CNTNAP5: variants seen among roughly 807,000 people sequenced by gnomAD.
CNTNAP5 encodes the protein contactin associated protein family member 5.
In CNTNAP5, 72 loss-of-function variants were observed where a neutral mutation model predicts 150.2. That is an observed-to-expected ratio of 0.48 (90% CI 0.40 to 0.58). CNTNAP5 has a LOEUF of 0.58. Ranked by LOEUF, CNTNAP5 falls within the 20% of genes least tolerant of loss-of-function variation. The pLI is 0.00. For missense variants in CNTNAP5, 1,636 were observed against 1,626.2 expected, an observed-to-expected ratio of 1.01 and a Z score of -0.10; for synonymous variants, 672 against 619.8, an observed-to-expected ratio of 1.08 and a Z score of -1.25.
intron 10 of CNTNAP5, among the ~76,000 whole-genome samples, chr2:124,546,017 G>C (rs1050058798): frequency 1.2e-4 from 19 of 152,192 alleles, no homozygotes; most frequent in Admixed American, 3.3e-4. Flanking sequence ...TCCATTAAAA[G>C]CTCTTTTAAT....
At chr2:124,854,630 A>G (rs1017614233) in intron 19 of CNTNAP5, among the ~76,000 whole-genome samples, 1 of 152,190 alleles carries the variant, frequency 6.6e-6, no homozygotes, top group Non-Finnish European at 1.5e-5. Context: ...AATTTGGGGG[A>G]AGTGTTGATA....
At chr2:124,257,414 C>A (rs919516477) in intron 3 of CNTNAP5, among the ~76,000 whole-genome samples, 2 of 152,214 alleles carry the variant, frequency 1.3e-5, no homozygotes, top group Admixed American at 6.5e-5. Flanking sequence ...TGGTTCAATA[C>A]GTCCATGACT....
At chr2:124,568,118 C>T (rs1696074369) in intron 11 of CNTNAP5, among the ~76,000 whole-genome samples, 1 of 152,184 alleles carries the variant, frequency 6.6e-6, no homozygotes, top group African/African-American at 2.4e-5. Flanking sequence ...TTGCAAACCT[C>T]TGTATTACAA....
At chr2:124,701,836 C>T (rs897633718) in intron 13 of CNTNAP5, among the ~76,000 whole-genome samples, 3 of 151,914 alleles carry the variant, frequency 2.0e-5, no homozygotes, top group African/African-American at 7.2e-5. Flanking sequence ...TGTCTATTTA[C>T]ATGTTTTTGC....
intron 10 of CNTNAP5, among the ~76,000 whole-genome samples, chr2:124,539,641 C>T (rs1232386980): frequency 6.6e-6 from 1 of 152,146 alleles, no homozygotes; most frequent in Non-Finnish European, 1.5e-5. Flanking sequence ...TTATTCCCGC[C>T]TGCCTCTTGG....
intron 1 of CNTNAP5, among the ~76,000 whole-genome samples, chr2:124,106,543 G>A (rs1373989651): frequency 6.6e-6 from 1 of 152,176 alleles, no homozygotes; most frequent in Non-Finnish European, 1.5e-5. Context: ...GTGTCAGTGA[G>A]CGCTTTGGGG....
rs376752251 is a variant in CNTNAP5 at position 124,655,215 on chromosome 2, A to G, written c.2077+7257A>G. On this transcript the variant is annotated intron_variant, in intron 13 of 23. Coordinates refer to ENST00000682447, the MANE Select transcript of CNTNAP5 (RefSeq NM_001367498.1). ...TGTGTCCATGTGTTCTCATTGTTCAATTCCCACTTATGAGTGGGAACATGT... is the reference window on the plus strand; with the variant it reads ...TGTGTCCATGTGTTCTCATTGTTCAGTTCCCACTTATGAGTGGGAACATGT... Among the ~76,000 whole-genome samples, 19 of 151,988 alleles carry G rather than the reference A, an allele frequency of 1.3e-4. No individual in the cohort carries two copies. In the East Asian group the frequency reaches 1.7e-3, roughly 14 times the overall value.
intron 19 of CNTNAP5, among the ~76,000 whole-genome samples, chr2:124,825,312 T>G (rs1357020951): frequency 6.6e-6 from 1 of 151,996 alleles, no homozygotes; most frequent in Non-Finnish European, 1.5e-5. Context: ...TTTTAGATTT[T>G]TATCATCTCC....
In CNTNAP5 at chr2:124,763,717, C is replaced by G. The variant is rs1383448839; in HGVS notation, c.2280C>G (p.Val760=). The change falls in exon 15 of 24, where the codon GTC becomes GTG. Residue 760 remains valine, a synonymous_variant. Coordinates refer to ENST00000682447, the MANE Select transcript of CNTNAP5 (RefSeq NM_001367498.1). ...TTTCCTTCAAAGACCACTTGCCTGTCACTCAGATAGTTATCACTGATACCG... is the reference window on the plus strand; with the variant it reads ...TTTCCTTCAAAGACCACTTGCCTGTGACTCAGATAGTTATCACTGATACCG... ...GFLSFKDHLP[V]TQIVITDTDR... The G allele has an allele frequency of 1.9e-6, 3 of 1,612,804 alleles. No individual in the cohort carries two copies. In the Admixed American group the frequency reaches 5.0e-5, roughly 27 times the overall value.
chr2:124,838,092 G>A (rs1421482783), intron 19 of CNTNAP5, among the ~76,000 whole-genome samples: 1 of 152,106 alleles, frequency 6.6e-6, no homozygotes, highest in Non-Finnish European at 1.5e-5. Context: ...TTTGTAGAAT[G>A]TCTGCAAATG....
intron 13 of CNTNAP5, among the ~76,000 whole-genome samples, chr2:124,741,828 A>G (rs1339880762): frequency 6.6e-6 from 1 of 151,910 alleles, no homozygotes; most frequent in Non-Finnish European, 1.5e-5. Flanking sequence ...CCTCCTCCTT[A>G]TTCTCTCTCT....
chr2:124,050,746 A>G (rs1681674499), intron 1 of CNTNAP5, among the ~76,000 whole-genome samples: 1 of 152,168 alleles, frequency 6.6e-6, no homozygotes. Context: ...TTGTACTTTG[A>G]TGAAGAATAC....
chr2:124,529,303 C>T (rs949201176), intron 10 of CNTNAP5, among the ~76,000 whole-genome samples: 2 of 152,058 alleles, frequency 1.3e-5, no homozygotes, highest in Non-Finnish European at 2.9e-5. Flanking sequence ...CTTATGCTAC[C>T]TTAATTTTTA....
chr2:124,541,148 A>C (rs1695371404), intron 10 of CNTNAP5, among the ~76,000 whole-genome samples: 1 of 145,948 alleles, frequency 6.9e-6, no homozygotes, highest in Non-Finnish European at 1.5e-5. Flanking sequence ...TTTGGTGTGG[A>C]GACTTAGAGG....
intron 21 of CNTNAP5, among the ~76,000 whole-genome samples, chr2:124,872,711 A>C (rs991756270): frequency 6.6e-6 from 1 of 151,954 alleles, no homozygotes; most frequent in Non-Finnish European, 1.5e-5. Context: ...GAAAGAGGGA[A>C]AATGTGGGCT....
chr2:124,806,352 G>A (rs1286675771), intron 19 of CNTNAP5, among the ~76,000 whole-genome samples: 2 of 152,112 alleles, frequency 1.3e-5, no homozygotes, highest in African/African-American at 4.8e-5. Flanking sequence ...GCTCTTCCTG[G>A]TGCATTTCAA....
rs532839437 is a variant in CNTNAP5 at position 124,835,164 on chromosome 2, C to T, written c.3218-30142C>T. On this transcript the variant is annotated intron_variant, in intron 19 of 23. Transcript: ENST00000682447. Reference sequence around the variant, plus strand: ...TAGAATTATCTTCATTTAATAATATCGTGTAATATTTCCACATTGCTACAT... The same window carrying T: ...TAGAATTATCTTCATTTAATAATATTGTGTAATATTTCCACATTGCTACAT... Among the ~76,000 whole-genome samples, 346 of 152,130 alleles carry T rather than the reference C, an allele frequency of 2.3e-3. 2 individuals are homozygous for T. The highest frequency in any genetic ancestry group is 8.2e-3 in the African/African-American group (339 of 41,530).
At chr2:124,460,032 C>T (rs1043138991) in intron 6 of CNTNAP5, among the ~76,000 whole-genome samples, 1 of 152,070 alleles carries the variant, frequency 6.6e-6, no homozygotes, top group African/African-American at 2.4e-5. Flanking sequence ...GTGTAATGCA[C>T]TCATTAAAAG....
Position 124,560,150 on chromosome 2 carries a change from G to A in CNTNAP5, c.1650-3067G>A, listed in dbSNP as rs1168779739. Among the ~76,000 whole-genome samples, 28 of 152,172 alleles carry A rather than the reference G, an allele frequency of 1.8e-4. 1 individual carries two copies. Among genetic ancestry groups the A allele is most frequent in the Admixed American group, 1.8e-3 (28 of 15,284 alleles). ...TCTAAGTGCCCAGATATTTCTTAGA[G>A]CTTTCCCCTAAACCCTTCTCCCAAC... On this transcript the variant is annotated intron_variant, in intron 10 of 23. Transcript: ENST00000682447.
Sources: gnomAD v4.1 joint callset for allele counts (sites outside exome capture counted in the v4.1 genomes callset) on GRCh38, gnomAD v4.1.1 for gene constraint, MANE v1.5 for transcripts, NCBI Gene and HGNC (gene_info 2026-07-23, HGNC 2026-07-21) for gene names.